SHROOM4: variants seen among roughly 807,000 people sequenced by gnomAD.
SHROOM4 encodes the protein shroom family member 4.
SHROOM4 carries 17 observed loss-of-function variants against 80.3 expected under a neutral mutation model. The ratio of observed to expected loss-of-function variants is 0.21; its 90% confidence interval spans 0.14 to 0.32. The LOEUF (loss-of-function observed/expected upper bound fraction) is 0.32. Among genes scored for constraint, SHROOM4 ranks in the 10% least tolerant of loss-of-function variants. The pLI is 1.00. For synonymous variants in SHROOM4, 400 were observed against 437.5 expected, an observed-to-expected ratio of 0.91 and a Z score of 1.07; for missense variants, 993 against 1,140.3, an observed-to-expected ratio of 0.87 and a Z score of 1.86.
intron 7 of SHROOM4, among the ~76,000 whole-genome samples, chrX:50,602,213 T>G (rs1929456200): frequency 9.2e-6 from 1 of 109,218 alleles, no homozygotes; most frequent in African/African-American, 3.3e-5. Context: ...TGTCTCAGCC[T>G]CCCGAGCAGC....
intron 1 of SHROOM4, among the ~76,000 whole-genome samples, chrX:50,776,584 C>A (rs918705181): frequency 4.5e-5 from 5 of 112,123 alleles, no homozygotes; most frequent in African/African-American, 6.5e-5. Context: ...GCCTTCCTAC[C>A]TCTTTGATAT....
intron 2 of SHROOM4, among the ~76,000 whole-genome samples, chrX:50,675,206 A>G (rs1290706346): frequency 5.4e-5 from 6 of 111,430 alleles, no homozygotes; most frequent in Non-Finnish European, 1.1e-4. Context: ...GAGATCAACA[A>G]AAATAACTAA....
At chrX:50,809,862 G>A (rs1416846916) in intron 1 of SHROOM4, among the ~76,000 whole-genome samples, 2 of 112,144 alleles carry the variant, frequency 1.8e-5, no homozygotes, top group African/African-American at 6.5e-5. Context: ...GTTAACCAAA[G>A]GAATCAATAA....
chrX:50,698,089 TCC>T (rs1557263230), intron 1 of SHROOM4, among the ~76,000 whole-genome samples: 1 of 112,513 alleles, frequency 8.9e-6, no homozygotes, highest in African/African-American at 3.2e-5. Flanking sequence ...TAGCAAGTCT[TCC>T]CCTCAATATG....
At chrX:50,618,619 C>G (rs782461282) in intron 5 of SHROOM4, among the ~76,000 whole-genome samples, 5 of 110,504 alleles carry the variant, frequency 4.5e-5, no homozygotes, top group Non-Finnish European at 9.4e-5. Context: ...AACTCCTGAC[C>G]TCAAGTGATC....
At chrX:50,635,737 C>A in intron 3 of SHROOM4, 69 bp from the exon 4 acceptor site, 1 of 1,020,157 alleles carries the variant, frequency 9.8e-7, no homozygotes, top group Non-Finnish European at 1.4e-6. Flanking sequence ...AGAGGGCAGG[C>A]CAGCCCAGAG....
At chrX:50,664,286 T>C (rs1463329255) in intron 2 of SHROOM4, among the ~76,000 whole-genome samples, 1 of 112,189 alleles carries the variant, frequency 8.9e-6, no homozygotes, top group African/African-American at 3.2e-5. Flanking sequence ...AACACAGATT[T>C]TTTCTTTCAT....
rs545573905 is a variant in SHROOM4 at position 50,756,508 on chromosome X, C to T, written c.117+57394G>A. ...TATGTTTTCATTTATCTTGTGTATACACCTATGAGTGAAAGTTCTGAGTCA... is the reference window on the plus strand; with the variant it reads ...TATGTTTTCATTTATCTTGTGTATATACCTATGAGTGAAAGTTCTGAGTCA... On this transcript the variant is annotated intron_variant, in intron 1 of 8. Coordinates refer to ENST00000376020, the MANE Select transcript of SHROOM4 (RefSeq NM_020717.5). 8.0e-5 allele frequency among the ~76,000 whole-genome samples: 9 copies of T among 112,239 alleles called. No homozygotes were observed. In the East Asian group the frequency reaches 2.2e-3, roughly 28 times the overall value.
At chrX:50,651,754 C>T (rs1238601215) in intron 2 of SHROOM4, among the ~76,000 whole-genome samples, 2 of 108,292 alleles carry the variant, frequency 1.8e-5, no homozygotes, top group East Asian at 2.9e-4. Flanking sequence ...CCCGACATGC[C>T]CCAGTGTGTG....
chrX:50,694,281 A>C (rs939935197), intron 2 of SHROOM4, among the ~76,000 whole-genome samples: 6 of 109,926 alleles, frequency 5.5e-5, no homozygotes, highest in African/African-American at 2.0e-4. Flanking sequence ...CTAAACCTCC[A>C]TACTGTTTTC....
Position 50,607,622 on chromosome X carries a change from G to C in SHROOM4, c.3520C>G (p.Leu1174Val), listed in dbSNP as rs1557248773. ...TGCTCTAGGACCTCCTCAGGATTGA[G>C]AGCACAGGAACCAGAGGTTTCTGAA... ...FSSETSGSCA[L>V]NPEEVLEQPQ... Residue 1174 changes from leucine to valine, a missense_variant, in exon 6 of 9, where the codon CTC (leucine) becomes GTC (valine). Leu to Val is a conservative substitution (Grantham distance 32). Coordinates refer to ENST00000376020, the MANE Select transcript of SHROOM4 (RefSeq NM_020717.5). 1.7e-6 allele frequency: 2 copies of C among 1,211,314 alleles called. No individual in the cohort carries two copies. Among genetic ancestry groups the C allele is most frequent in the Non-Finnish European group, 2.2e-6 (2 of 895,312 alleles).
intron 2 of SHROOM4, among the ~76,000 whole-genome samples, chrX:50,672,810 A>G (rs782398989): frequency 2.7e-5 from 3 of 112,297 alleles, no homozygotes; most frequent in Admixed American, 9.4e-5. Context: ...CACATTACTG[A>G]TATGTGAAAA....
chrX:50,600,007 T>C (rs1479984666), intron 7 of SHROOM4, among the ~76,000 whole-genome samples: 8 of 111,179 alleles, frequency 7.2e-5, no homozygotes, highest in Non-Finnish European at 1.5e-4. Context: ...AGCAAAGTTT[T>C]AGAGTCGGAG....
intron 1 of SHROOM4, among the ~76,000 whole-genome samples, chrX:50,810,941 TATGCAA>T (rs1936317155): frequency 8.9e-6 from 1 of 111,845 alleles, no homozygotes; most frequent in African/African-American, 3.3e-5. Flanking sequence ...AGTAACACTG[TATGCAA>T]ATGAAGCAAA....
chrX:50,588,605 T>C lies in SHROOM4; in HGVS notation c.*8090A>G, dbSNP rs1386457240. ...GGAACTGCCTCTGTAAGAGAAGGAT[T>C]ACTATCCTCATTATTTGCTAAGGCT... is the stretch of plus-strand genomic sequence containing the variant. On this transcript the variant is annotated 3_prime_UTR_variant, in exon 9 of 9. Coordinates refer to ENST00000376020, the MANE Select transcript of SHROOM4 (RefSeq NM_020717.5). Among the ~76,000 whole-genome samples the C allele has an allele frequency of 1.8e-5, 2 of 111,907 alleles. No homozygotes were observed. The highest frequency in any genetic ancestry group is 3.8e-5 in the Non-Finnish European group (2 of 53,223).
intron 2 of SHROOM4, among the ~76,000 whole-genome samples, chrX:50,645,009 T>C (rs782222289): frequency 8.9e-5 from 10 of 112,529 alleles, no homozygotes; most frequent in African/African-American, 3.2e-4. Context: ...GAAAACTGAT[T>C]TCTTCAATCC....
At chrX:50,636,916 G>A (rs1931381942) in intron 3 of SHROOM4, among the ~76,000 whole-genome samples, 1 of 111,661 alleles carries the variant, frequency 9.0e-6, no homozygotes, top group African/African-American at 3.3e-5. Flanking sequence ...AAAGCAGATA[G>A]TAAATGTAAA....
chrX:50,753,983 A>G (rs782647660), intron 1 of SHROOM4, among the ~76,000 whole-genome samples: 1 of 112,041 alleles, frequency 8.9e-6, no homozygotes, highest in African/African-American at 3.2e-5. Context: ...TAATTTCATA[A>G]GGATTTAATG....
intron 2 of SHROOM4, among the ~76,000 whole-genome samples, chrX:50,660,692 T>G (rs1160401376): frequency 9.5e-6 from 1 of 105,327 alleles, no homozygotes; most frequent in Non-Finnish European, 1.9e-5. Flanking sequence ...CACGGCTCAC[T>G]GCAGACTTAA....
Sources: allele counts gnomAD v4.1 joint callset (sites outside exome capture counted in the v4.1 genomes callset), GRCh38; gene constraint gnomAD v4.1.1; transcripts MANE v1.5; gene names NCBI Gene and HGNC (gene_info 2026-07-23, HGNC 2026-07-21).